The following MACROD2 variants were observed in gnomAD, a reference collection of about 807,000 sequenced individuals.
MACROD2 encodes the protein ADP-ribose glycohydrolase MACROD2.
A neutral mutation model predicts 70.4 loss-of-function variants in MACROD2; 36 were observed. That is an observed-to-expected ratio of 0.51 (90% CI 0.39 to 0.68). The LOEUF is 0.68. Ranked by LOEUF, MACROD2 falls within the 30% of genes least tolerant of loss-of-function variation. The probability of loss-of-function intolerance (pLI) is 0.00; values close to 1 mark genes in which losing one functional copy is unlikely to be tolerated. For synonymous variants in MACROD2, 172 were observed against 178.8 expected (o/e 0.96, Z 0.30); for missense variants, 496 against 538.4 (o/e 0.92, Z 0.78).
intron 5 of MACROD2, among the ~76,000 whole-genome samples, chr20:15,153,049 G>A (rs187554587): frequency 6.6e-6 from 1 of 152,220 alleles, no homozygotes. Flanking sequence ...TCAGTCTGAG[G>A]ACCTGAGGTC....
chr20:15,113,187 A>G (rs560622688), intron 5 of MACROD2, among the ~76,000 whole-genome samples: 11 of 151,392 alleles, frequency 7.3e-5, no homozygotes, highest in African/African-American at 2.7e-4. Context: ...TTTTGAGGAA[A>G]TGCAATACAT....
intron 8 of MACROD2, among the ~76,000 whole-genome samples, chr20:15,592,604 G>A (rs929256826): frequency 2.6e-5 from 4 of 152,196 alleles, no homozygotes; most frequent in African/African-American, 9.7e-5. Context: ...GAAGCTCTCA[G>A]TAATGACTTC....
At chr20:14,958,711 G>A (rs1374887701) in intron 5 of MACROD2, among the ~76,000 whole-genome samples, 1 of 152,120 alleles carries the variant, frequency 6.6e-6, no homozygotes, top group African/African-American at 2.4e-5. Context: ...TGCCCTGTAG[G>A]CCATTTCTCC....
intron 15 of MACROD2, among the ~76,000 whole-genome samples, chr20:15,993,843 G>T (rs904653418): frequency 6.6e-6 from 1 of 152,062 alleles, no homozygotes; most frequent in African/African-American, 2.4e-5. Context: ...ATTACTACAA[G>T]TTTTCTACAT....
intron 5 of MACROD2, among the ~76,000 whole-genome samples, chr20:15,136,320 G>C (rs2076147573): frequency 6.6e-6 from 1 of 150,432 alleles, no homozygotes; most frequent in Admixed American, 6.6e-5. Context: ...TATACTACAA[G>C]GCTACAGTAA....
At chr20:15,065,249 A>T (rs73897245) in intron 5 of MACROD2, among the ~76,000 whole-genome samples, 9,569 of 152,172 alleles carry the variant, frequency 0.063, 345 homozygotes, top group Middle Eastern at 0.17. Flanking sequence ...TTGTTTTCTC[A>T]ATCAAGAAGT....
At position 14,425,731 on chromosome 20, in the gene MACROD2, C is replaced by A. The variant is rs187847144; in HGVS notation, c.272-67748C>A. Reference sequence around the variant, plus strand: ...ATCAACTGTCATCATCCTGGCCTGTCCCCTCACCGTTACCCTGGGGACTCT... The same window carrying A: ...ATCAACTGTCATCATCCTGGCCTGTACCCTCACCGTTACCCTGGGGACTCT... On this transcript the variant is annotated intron_variant, in intron 3 of 17. Coordinates refer to ENST00000684519, the MANE Select transcript of MACROD2 (RefSeq NM_001351661.2). 1.7e-3 allele frequency among the ~76,000 whole-genome samples: 254 copies of A among 152,250 alleles called. 2 individuals carry two copies. Among genetic ancestry groups the A allele is most frequent in the African/African-American group, 6.0e-3 (251 of 41,556 alleles).
chr20:14,403,980 AAAGT>A (rs1277730974), intron 3 of MACROD2, among the ~76,000 whole-genome samples: 3 of 152,174 alleles, frequency 2.0e-5, no homozygotes, highest in Admixed American at 6.5e-5. Context: ...GTTGAAAATA[AAAGT>A]AAGTAAATTA....
intron 5 of MACROD2, among the ~76,000 whole-genome samples, chr20:14,851,655 G>A (rs2073200533): frequency 6.6e-6 from 1 of 152,154 alleles, no homozygotes; most frequent in South Asian, 2.1e-4. Flanking sequence ...TTGGCATGAA[G>A]TTCATGTACA....
intron 8 of MACROD2, among the ~76,000 whole-genome samples, chr20:15,636,071 CAAAAGAAAA>C (rs2049360246): frequency 3.6e-5 from 1 of 27,970 alleles, no homozygotes; most frequent in African/African-American, 9.8e-5. Context: ...GGCTCCCTCT[CAAAAGAAAA>C]AAAAAAAAAA....
chr20:15,519,856 T>C lies in MACROD2; in HGVS notation c.645+20009T>C, dbSNP rs568212110. On this transcript the variant is annotated intron_variant, in intron 8 of 17. Coordinates refer to ENST00000684519, the MANE Select transcript of MACROD2 (RefSeq NM_001351661.2). ...AGTCAGGGATTAATGAATGTGGGAATGCAGAGCAAAATGAGGTTGCTCTCC... is the reference window on the plus strand; with the variant it reads ...AGTCAGGGATTAATGAATGTGGGAACGCAGAGCAAAATGAGGTTGCTCTCC... 3.3e-5 allele frequency among the ~76,000 whole-genome samples: 5 copies of C among 152,294 alleles called. No individual in the cohort carries two copies. In the South Asian group the frequency reaches 1.0e-3, roughly 32 times the overall value.
At chr20:14,117,457 G>A (rs1032920164) in intron 3 of MACROD2, among the ~76,000 whole-genome samples, 1 of 152,188 alleles carries the variant, frequency 6.6e-6, no homozygotes, top group African/African-American at 2.4e-5. Context: ...GGATAAATGA[G>A]ATATGGTTTC....
intron 4 of MACROD2, among the ~76,000 whole-genome samples, chr20:14,619,391 G>A: frequency 3.0e-5 from 1 of 33,702 alleles, no homozygotes; most frequent in Non-Finnish European, 5.8e-5. Flanking sequence ...AAGGAAGGAA[G>A]GAGGGGGGAG....
rs2082263018 is a variant in MACROD2 at position 14,276,870 on chromosome 20, C to T, written c.271+191142C>T. On this transcript the variant is annotated intron_variant, in intron 3 of 17. Coordinates refer to ENST00000684519, the MANE Select transcript of MACROD2 (RefSeq NM_001351661.2). ...TTTTTAGTTGCAAAACCATAGAATA[C>T]TTAACAGTCACCTAATCTTTATGTC... 1.3e-5 allele frequency among the ~76,000 whole-genome samples: 2 copies of T among 152,142 alleles called. 1 individual carries two copies. Among genetic ancestry groups the T allele is most frequent in the South Asian group, 4.1e-4 (2 of 4,830 alleles).
At chr20:15,660,615 ATTTTAACATACT>A in intron 8 of MACROD2, among the ~76,000 whole-genome samples, 1 of 152,268 alleles carries the variant, frequency 6.6e-6, no homozygotes, top group Admixed American at 6.5e-5. Context: ...ATCAGATCTT[ATTTTAACATACT>A]GATTGAGCCT....
intron 5 of MACROD2, among the ~76,000 whole-genome samples, chr20:14,843,239 A>T (rs2073105833): frequency 6.6e-6 from 1 of 150,398 alleles, no homozygotes; most frequent in Admixed American, 6.6e-5. Flanking sequence ...GCTAGGAAAG[A>T]AAGCCATTAT....
chr20:14,190,048 A>G (rs932301219), intron 3 of MACROD2, among the ~76,000 whole-genome samples: 2 of 152,216 alleles, frequency 1.3e-5, no homozygotes, highest in African/African-American at 2.4e-5. Flanking sequence ...TAAAACTTCC[A>G]TAAGAGGTAG....
At chr20:15,593,844 A>G (rs1354503731) in intron 8 of MACROD2, among the ~76,000 whole-genome samples, 2 of 152,214 alleles carry the variant, frequency 1.3e-5, no homozygotes, top group African/African-American at 2.4e-5. Flanking sequence ...ACCACACACA[A>G]TAAGAGGCAT....
At chr20:15,662,261 A>G (rs573815558) in intron 8 of MACROD2, among the ~76,000 whole-genome samples, 162 of 152,318 alleles carry the variant, frequency 1.1e-3, no homozygotes, top group African/African-American at 3.8e-3. Context: ...TTTATTCAAG[A>G]TCTACTGTAT....
Sources: gnomAD v4.1 joint callset for allele counts (sites outside exome capture counted in the v4.1 genomes callset) on GRCh38, gnomAD v4.1.1 for gene constraint, MANE v1.5 for transcripts, NCBI Gene and HGNC (gene_info 2026-07-23, HGNC 2026-07-21) for gene names.